The following CEP112 variants were observed in gnomAD, a reference collection of about 807,000 sequenced individuals.
CEP112 encodes centrosomal protein of 112 kDa.
In CEP112, 127 loss-of-function variants were observed where a neutral mutation model predicts 153.0. The ratio of observed to expected loss-of-function variants is 0.83; its 90% CI spans 0.72 to 0.96. The LOEUF (loss-of-function observed/expected upper bound fraction) is 0.96, where lower values mean the gene tolerates loss of function less well. CEP112 is among the 40% of genes least tolerant of loss of function. The probability of loss-of-function intolerance (pLI) is 0.00; values close to 1 mark genes in which losing one functional copy is unlikely to be tolerated. For missense variants in CEP112, 1,089 were observed against 1,101.2 expected, an observed-to-expected ratio of 0.99 and a Z score of 0.16; for synonymous variants, 358 against 374.4, an observed-to-expected ratio of 0.96 and a Z score of 0.51.
At chr17:65,736,213 TA>T (rs2050796432) in intron 23 of CEP112, among the ~76,000 whole-genome samples, 1 of 151,846 alleles carries the variant, frequency 6.6e-6, no homozygotes, top group Non-Finnish European at 1.5e-5. Context: ...CTATGAGAGG[TA>T]AGGGAAGGAA....
intron 16 of CEP112, among the ~76,000 whole-genome samples, chr17:66,012,127 T>C (rs1165190299): frequency 2.0e-5 from 3 of 152,220 alleles, no homozygotes; most frequent in African/African-American, 7.2e-5. Context: ...GCCTCTGAGA[T>C]GTGTCTCTCA....
chr17:65,753,869 G>T (rs981475242), intron 21 of CEP112, among the ~76,000 whole-genome samples: 2 of 152,144 alleles, frequency 1.3e-5, no homozygotes, highest in Non-Finnish European at 2.9e-5. Flanking sequence ...GTTAGTGCAG[G>T]AAGGCCTGTG....
chr17:65,696,028 A>AG (rs1479062537), intron 23 of CEP112, among the ~76,000 whole-genome samples: 1 of 152,256 alleles, frequency 6.6e-6, no homozygotes, highest in East Asian at 1.9e-4. Context: ...CAGAATCATC[A>AG]GCAGTATAAA....
At chr17:65,641,204 T>C (rs1373221652) in intron 24 of CEP112, 139 bp from the exon 25 acceptor site, 8 of 567,894 alleles carry the variant, frequency 1.4e-5, no homozygotes, top group Non-Finnish European at 2.5e-5. Flanking sequence ...AAAGATGAAA[T>C]AAGAAGAAAG....
chr17:65,699,869 T>C (rs563090586), intron 23 of CEP112, among the ~76,000 whole-genome samples: 2 of 152,328 alleles, frequency 1.3e-5, no homozygotes, highest in East Asian at 3.9e-4. Context: ...TCCTTCCTCA[T>C]CAGTGATCTG....
chr17:65,953,568 C>T (rs970083674), intron 18 of CEP112, among the ~76,000 whole-genome samples: 1 of 152,156 alleles, frequency 6.6e-6, no homozygotes, highest in Non-Finnish European at 1.5e-5. Context: ...AGTTCTCAAC[C>T]CTGATTGCCA....
intron 21 of CEP112, among the ~76,000 whole-genome samples, chr17:65,789,214 A>C (rs1244090993): frequency 6.6e-6 from 1 of 152,134 alleles, no homozygotes; most frequent in East Asian, 1.9e-4. Flanking sequence ...AACTTAGTAG[A>C]ATTTTTTAGA....
At chr17:66,004,100 T>C (rs2064171383) in intron 17 of CEP112, among the ~76,000 whole-genome samples, 1 of 151,930 alleles carries the variant, frequency 6.6e-6, no homozygotes, top group Non-Finnish European at 1.5e-5. Flanking sequence ...ATAAAGTTCA[T>C]GGAGAAATCT....
chr17:65,851,761 A>C, intron 21 of CEP112, 43 bp downstream of exon 21: 1 of 1,419,322 alleles, frequency 7.0e-7, no homozygotes, highest in Non-Finnish European at 9.8e-7. Context: ...GATTTTAAAC[A>C]TGGATTTCAA....
intron 25 of CEP112, among the ~76,000 whole-genome samples, chr17:65,640,634 T>C (rs758028903): frequency 1.3e-5 from 2 of 152,204 alleles, no homozygotes; most frequent in Non-Finnish European, 2.9e-5. Flanking sequence ...CAGTGAGGAA[T>C]CAGCCATATG....
At chr17:65,962,270 CAT>C (rs2071400395) in intron 17 of CEP112, among the ~76,000 whole-genome samples, 1 of 150,866 alleles carries the variant, frequency 6.6e-6, no homozygotes, top group Non-Finnish European at 1.5e-5. Flanking sequence ...AATTATATCT[CAT>C]GTTTTTTTTT....
intron 21 of CEP112, among the ~76,000 whole-genome samples, chr17:65,798,682 C>T (rs28478155): frequency 8.5e-5 from 13 of 152,290 alleles, no homozygotes; most frequent in African/African-American, 2.6e-4. Flanking sequence ...GTACTATAAT[C>T]GCAGAACAGA....
At position 65,717,707 on chromosome 17, in the gene CEP112, C is replaced by T. The variant is rs149466740; in HGVS notation, c.2607+25361G>A. Reference sequence around the variant, plus strand: ...TCAAACCCTGTATCCCAAACTCTCACAGCTTTTGAGTTTTAATTTTCCCAC... The same window carrying T: ...TCAAACCCTGTATCCCAAACTCTCATAGCTTTTGAGTTTTAATTTTCCCAC... On this transcript the variant is annotated intron_variant, in intron 23 of 26. Transcript: ENST00000535342. Among the ~76,000 whole-genome samples, 517 of 152,314 alleles carry T rather than the reference C, an allele frequency of 3.4e-3. 3 individuals carry two copies. Among genetic ancestry groups the T allele is most frequent in the Non-Finnish European group, 3.9e-3 (262 of 68,018 alleles).
At chr17:66,043,008 G>C (rs62063453) in intron 12 of CEP112, 1 of 728,926 alleles carries the variant, frequency 1.4e-6, no homozygotes, top group Non-Finnish European at 1.7e-6. Context: ...GTAGTTCTAT[G>C]AATTATCATA....
chr17:66,070,754 A>C (rs982326190), intron 8 of CEP112, among the ~76,000 whole-genome samples: 3 of 152,148 alleles, frequency 2.0e-5, no homozygotes, highest in Non-Finnish European at 4.4e-5. Flanking sequence ...CAAATGTGAA[A>C]GTATTTGGTC....
chr17:65,865,519 C>T (rs985085935), intron 20 of CEP112, among the ~76,000 whole-genome samples: 1 of 152,236 alleles, frequency 6.6e-6, no homozygotes, highest in Non-Finnish European at 1.5e-5. Context: ...CAACCTAGTG[C>T]ACCACCCACA....
At chr17:66,057,008 G>A (rs1285897249) in intron 11 of CEP112, among the ~76,000 whole-genome samples, 1 of 152,174 alleles carries the variant, frequency 6.6e-6, no homozygotes, top group African/African-American at 2.4e-5. Context: ...AAGATCACCA[G>A]AGTCTTTATC....
intron 17 of CEP112, among the ~76,000 whole-genome samples, chr17:65,988,947 A>C (rs1209671469): frequency 6.6e-6 from 1 of 152,128 alleles, no homozygotes; most frequent in Admixed American, 6.5e-5. Context: ...AAACAGGGCC[A>C]GACGTGGTGG....
chr17:66,133,105 G>C (rs948022691), intron 4 of CEP112, among the ~76,000 whole-genome samples: 1 of 149,412 alleles, frequency 6.7e-6, no homozygotes, highest in Non-Finnish European at 1.5e-5. Context: ...AAAAAGAAAA[G>C]AAATACAAGT....
Sources: allele counts gnomAD v4.1 joint callset (sites outside exome capture counted in the v4.1 genomes callset), GRCh38; gene constraint gnomAD v4.1.1; transcripts MANE v1.5; gene names NCBI Gene and HGNC (gene_info 2026-07-23, HGNC 2026-07-21).